SLC35F4: variants seen among roughly 807,000 people sequenced by gnomAD.
The protein encoded by SLC35F4 is chromosome 14 open reading frame 36.
SLC35F4 carries 24 observed loss-of-function variants against 44.2 expected under a neutral mutation model. The observed-to-expected ratio is 0.54, with a 90% CI of 0.39 to 0.76. SLC35F4 has a LOEUF of 0.76. Ranked by LOEUF, SLC35F4 falls within the 30% of genes least tolerant of loss-of-function variation. The probability of loss-of-function intolerance (pLI) is 0.00; values close to 1 mark genes in which losing one functional copy is unlikely to be tolerated. For synonymous variants in SLC35F4, 238 were observed against 223.6 expected (o/e 1.06, Z -0.57); for missense variants, 562 against 586.1 (o/e 0.96, Z 0.42).
intron 1 of SLC35F4, among the ~76,000 whole-genome samples, chr14:57,745,769 A>G (rs1380665876): frequency 1.3e-5 from 2 of 152,220 alleles, no homozygotes; most frequent in African/African-American, 4.8e-5. Flanking sequence ...ATGCTACTAT[A>G]AAGACACACG....
At chr14:57,900,635 C>T (rs185505471) in intron 1 of SLC35F4, among the ~76,000 whole-genome samples, 15 of 152,232 alleles carry the variant, frequency 9.9e-5, no homozygotes, top group Middle Eastern at 3.4e-3. Context: ...GATTTCCTGA[C>T]AAAAATGCCA....
intron 1 of SLC35F4, among the ~76,000 whole-genome samples, chr14:57,699,342 G>A (rs1283981887): frequency 6.6e-6 from 1 of 152,116 alleles, no homozygotes; most frequent in African/African-American, 2.4e-5. Context: ...ATGTCATGAA[G>A]AGGCCCCCAA....
intron 1 of SLC35F4, among the ~76,000 whole-genome samples, chr14:57,640,274 A>AAT (rs2073168872): frequency 6.6e-6 from 1 of 152,022 alleles, no homozygotes; most frequent in East Asian, 1.9e-4. Context: ...ATCCCCACTG[A>AAT]ATAGAGGAAA....
At chr14:57,695,175 C>G (rs550136435) in intron 1 of SLC35F4, among the ~76,000 whole-genome samples, 1 of 152,288 alleles carries the variant, frequency 6.6e-6, no homozygotes, top group African/African-American at 2.4e-5. Flanking sequence ...CAAATGGGAT[C>G]TAATTAAACT....
intron 1 of SLC35F4, among the ~76,000 whole-genome samples, chr14:57,910,765 G>C (rs1889201880): frequency 6.6e-6 from 1 of 151,916 alleles, no homozygotes; most frequent in Admixed American, 6.6e-5. Context: ...AGATAATCAG[G>C]CTCTCTTGCC....
At position 57,569,848 on chromosome 14, in the gene SLC35F4, A is replaced by G; in HGVS notation, c.1066T>C (p.Trp356Arg). ...CATGGCAGAGCAGCAAAAGAGGACC[A>G]GTGCTCCACCTTGGTGAAATACAAG... is the stretch of plus-strand genomic sequence containing the variant. ...VILYFTKVEH[W>R]SSFAALPWGC... Residue 356 changes from tryptophan to arginine, a missense_variant, in exon 6 of 8, where the codon TGG (tryptophan) becomes CGG (arginine). Coordinates refer to ENST00000556826, the MANE Select transcript of SLC35F4 (RefSeq NM_001306087.2). 6.2e-7 allele frequency: 1 copy of G among 1,611,906 alleles called. No homozygotes were observed. The highest frequency in any genetic ancestry group is 8.5e-7 in the Non-Finnish European group (1 of 1,179,096).
chr14:57,628,640 T>C (rs1594636037), intron 1 of SLC35F4, among the ~76,000 whole-genome samples: 1 of 151,824 alleles, frequency 6.6e-6, no homozygotes, highest in Non-Finnish European at 1.5e-5. Context: ...TCCTTTTTTA[T>C]GGCTGCTTAG....
intron 1 of SLC35F4, among the ~76,000 whole-genome samples, chr14:57,935,183 G>C (rs1239856446): frequency 1.3e-5 from 2 of 152,098 alleles, no homozygotes; most frequent in African/African-American, 4.8e-5. Flanking sequence ...TTTCCCTCTT[G>C]GAGTCAAATG....
At position 57,886,867 on chromosome 14, in the gene SLC35F4, C is replaced by G. The variant is rs79017187; in HGVS notation, n.282+95046G>C. 4.6e-3 allele frequency among the ~76,000 whole-genome samples: 705 copies of G among 152,254 alleles called. 7 individuals carry two copies. The highest frequency in any genetic ancestry group is 0.016 in the African/African-American group (676 of 41,554). On this transcript the variant is annotated intron_variant and non_coding_transcript_variant, in intron 1 of 1. Transcript: ENST00000556568. ...GTACATTTGGATGCCACAAGTTCAT[C>G]TAGGAAGTGTCGAGAAGGAAAGAGA...
In SLC35F4 at chr14:57,654,497, G is replaced by A. The variant is rs138912639; in HGVS notation, c.104-60373C>T. Reference sequence around the variant, plus strand: ...TTTCTTTATCCACTCGTTGGTTGATGGACATTTAGGCTGGTTCCATATTTT... The same window carrying A: ...TTTCTTTATCCACTCGTTGGTTGATAGACATTTAGGCTGGTTCCATATTTT... On this transcript the variant is annotated intron_variant, in intron 1 of 7. Transcript: ENST00000556826. Among the ~76,000 whole-genome samples the A allele has an allele frequency of 8.5e-5, 13 of 152,274 alleles. No homozygotes were observed. In the East Asian group the frequency reaches 1.9e-3, roughly 23 times the overall value.
intron 1 of SLC35F4, among the ~76,000 whole-genome samples, chr14:57,947,410 T>A (rs1381443782): frequency 6.6e-6 from 1 of 152,148 alleles, no homozygotes; most frequent in Non-Finnish European, 1.5e-5. Flanking sequence ...AATTCATTTA[T>A]CAGATATAGG....
At chr14:57,747,089 T>C (rs983278172) in intron 1 of SLC35F4, among the ~76,000 whole-genome samples, 9 of 152,266 alleles carry the variant, frequency 5.9e-5, no homozygotes, top group South Asian at 2.1e-4. Context: ...TCTTGAGGAA[T>C]AAAACAAAAC....
chr14:57,761,178 C>T (rs2077116073), intron 1 of SLC35F4, among the ~76,000 whole-genome samples: 3 of 152,122 alleles, frequency 2.0e-5, no homozygotes, highest in Admixed American at 6.6e-5. Flanking sequence ...AATTCAATGT[C>T]TTGAAAACAG....
chr14:57,571,605 C>A (rs915605507), intron 5 of SLC35F4, among the ~76,000 whole-genome samples: 3 of 152,172 alleles, frequency 2.0e-5, no homozygotes, highest in Non-Finnish European at 4.4e-5. Context: ...TAAGTCTTGG[C>A]TCTATCACTA....
intron 1 of SLC35F4, among the ~76,000 whole-genome samples, chr14:57,833,570 T>C (rs2140941943): frequency 6.6e-6 from 1 of 152,330 alleles, no homozygotes; most frequent in African/African-American, 2.4e-5. Flanking sequence ...GTGACTCAGA[T>C]GCATATCAGA....
chr14:57,935,285 G>T (rs1889776493), intron 1 of SLC35F4, among the ~76,000 whole-genome samples: 1 of 152,180 alleles, frequency 6.6e-6, no homozygotes, highest in Non-Finnish European at 1.5e-5. Flanking sequence ...ACCCACTAAA[G>T]AATGAATGAA....
intron 1 of SLC35F4, among the ~76,000 whole-genome samples, chr14:57,616,174 T>C (rs947269478): frequency 6.6e-6 from 1 of 152,194 alleles, no homozygotes; most frequent in African/African-American, 2.4e-5. Flanking sequence ...CCAGAACTTT[T>C]TCAGCTTCTC....
At chr14:57,924,453 CTT>C (rs879756219) in intron 1 of SLC35F4, among the ~76,000 whole-genome samples, 3 of 143,978 alleles carry the variant, frequency 2.1e-5, no homozygotes, top group Non-Finnish European at 3.0e-5. Context: ...CTCTTTCTTT[CTT>C]TTTTTTTTTT....
chr14:57,956,974 TAAAG>T (rs1890249280), intron 1 of SLC35F4, among the ~76,000 whole-genome samples: 1 of 152,112 alleles, frequency 6.6e-6, no homozygotes, highest in Admixed American at 6.5e-5. Flanking sequence ...CATTCTACTA[TAAAG>T]ACACATGCAC....
Sources: allele counts gnomAD v4.1 joint callset (sites outside exome capture counted in the v4.1 genomes callset), GRCh38; gene constraint gnomAD v4.1.1; transcripts MANE v1.5; gene names NCBI Gene and HGNC (gene_info 2026-07-23, HGNC 2026-07-21).